NEMP2: variants seen among roughly 807,000 people sequenced by gnomAD.
NEMP2 encodes nuclear envelope integral membrane protein 2.
Under a neutral mutation model 54.2 loss-of-function variants are expected in NEMP2, and 53 were observed. The observed-to-expected ratio is 0.98, with a 90% CI of 0.78 to 1.23. The LOEUF (loss-of-function observed/expected upper bound fraction) is 1.23. Ranked by LOEUF, NEMP2 falls within the 50% of genes most tolerant of loss-of-function variation. The probability of loss-of-function intolerance (pLI) is 0.00; values close to 1 mark genes in which losing one functional copy is unlikely to be tolerated. For missense variants in NEMP2, 455 were observed against 511.3 expected (o/e 0.89, Z 1.06); for synonymous variants, 197 against 190.3 (o/e 1.04, Z -0.29).
At chr2:190,588,989 G>T in the NEMP2 span, among the ~76,000 whole-genome samples, 1 of 152,172 alleles carries the variant, frequency 6.6e-6, no homozygotes. The surrounding 1 kb of genome is among the most constrained non-coding windows in gnomAD (Gnocchi z 5.0). Flanking sequence ...CCTCACTAGA[G>T]AATTCTATTT....
At chr2:190,570,985 G>T in the NEMP2 span, among the ~76,000 whole-genome samples, 104 of 152,308 alleles carry the variant, frequency 6.8e-4, no homozygotes, top group Middle Eastern at 3.4e-3. The surrounding 1 kb of genome is among the most constrained non-coding windows in gnomAD (Gnocchi z 5.4). Context: ...ACATATTTTT[G>T]TTGGATTTAT....
the NEMP2 span, among the ~76,000 whole-genome samples, chr2:190,566,578 ACT>A: frequency 1.7e-4 from 26 of 150,464 alleles, no homozygotes; most frequent in Non-Finnish European, 3.3e-4. Flanking sequence ...CAGGAGTAAG[ACT>A]CTGTCTTAAA....
At position 190,521,465 on chromosome 2, in the gene NEMP2, C is replaced by A. The variant is rs1439294762; in HGVS notation, c.214-2282G>T. 2.6e-5 allele frequency among the ~76,000 whole-genome samples: 4 copies of A among 152,202 alleles called. No homozygotes were observed. The highest frequency in any genetic ancestry group is 9.7e-5 in the African/African-American group (4 of 41,450). On this transcript the variant is annotated intron_variant, in intron 2 of 8. Transcript: ENST00000409150. This position sits in a 1 kb window ranked among gnomAD's most constrained non-coding sequence, Gnocchi z 6.2. ...ACTCAAGGACATCCCAGCAGCAGTT[C>A]TTCCCTCTCTACGAGATTATTTCTC... is the stretch of plus-strand genomic sequence containing the variant.
chr2:190,540,286 GAT>G, the NEMP2 span, among the ~76,000 whole-genome samples: 1 of 63,322 alleles, frequency 1.6e-5, no homozygotes, highest in Non-Finnish European at 3.4e-5. Context: ...CATAGTGAAT[GAT>G]TTTTTTTTTT....
At chr2:190,540,395 C>T in the NEMP2 span, among the ~76,000 whole-genome samples, 3 of 151,956 alleles carry the variant, frequency 2.0e-5, no homozygotes, top group Non-Finnish European at 2.9e-5. Context: ...ATGATCCTCC[C>T]GCCTCAGCCT....
At chr2:190,534,500 G>A in intron 1 of NEMP2, 59 bp downstream of exon 1, 1 of 1,333,394 alleles carries the variant, frequency 7.5e-7, no homozygotes. Context: ...CCTCAGGGCA[G>A]CCGCGAAGCC....
chr2:190,611,762 T>C, the NEMP2 span, among the ~76,000 whole-genome samples: 2 of 152,246 alleles, frequency 1.3e-5, no homozygotes, highest in East Asian at 3.8e-4. The surrounding 1 kb of genome is among the most constrained non-coding windows in gnomAD (Gnocchi z 5.4). Flanking sequence ...CTTACACACC[T>C]TGCATGTAAA....
At chr2:190,451,559 G>GCA in the NEMP2 span, among the ~76,000 whole-genome samples, 1 of 152,218 alleles carries the variant, frequency 6.6e-6, no homozygotes, top group South Asian at 2.1e-4. The surrounding 1 kb of genome is among the most constrained non-coding windows in gnomAD (Gnocchi z 5.0). Context: ...TGATAATGAT[G>GCA]GGTGATTTAG....
chr2:190,563,427 G>A, the NEMP2 span, among the ~76,000 whole-genome samples: 124 of 152,250 alleles, frequency 8.1e-4, 1 homozygote, highest in East Asian at 0.017. This position sits in a 1 kb window ranked among gnomAD's most constrained non-coding sequence, Gnocchi z 4.3. Context: ...CGGTAGTGGC[G>A]GGGTGAGGGA....
the NEMP2 span, among the ~76,000 whole-genome samples, chr2:190,478,128 T>C: frequency 6.6e-6 from 1 of 152,188 alleles, no homozygotes; most frequent in Non-Finnish European, 1.5e-5. Flanking sequence ...GAGCTGGCCA[T>C]GTTCTGAATC....
At chr2:190,568,973 G>GA in the NEMP2 span, among the ~76,000 whole-genome samples, 21 of 150,874 alleles carry the variant, frequency 1.4e-4, no homozygotes, top group South Asian at 6.3e-4. The surrounding 1 kb of genome is among the most constrained non-coding windows in gnomAD (Gnocchi z 4.7). Context: ...ATCTGGAACT[G>GA]AAAAAAAAAT....
chr2:190,562,678 C>G, the NEMP2 span, among the ~76,000 whole-genome samples: 1 of 152,072 alleles, frequency 6.6e-6, no homozygotes, highest in African/African-American at 2.4e-5. The surrounding 1 kb of genome is among the most constrained non-coding windows in gnomAD (Gnocchi z 5.0). Context: ...TTTGCCCTAA[C>G]TTTATATAAA....
At chr2:190,611,408 G>A in the NEMP2 span, among the ~76,000 whole-genome samples, 1 of 152,094 alleles carries the variant, frequency 6.6e-6, no homozygotes, top group East Asian at 1.9e-4. The surrounding 1 kb of genome is among the most constrained non-coding windows in gnomAD (Gnocchi z 5.4). Context: ...AATCCTTATA[G>A]ACAGATTTAC....
At chr2:190,429,707 T>C in the NEMP2 span, among the ~76,000 whole-genome samples, 8 of 152,210 alleles carry the variant, frequency 5.3e-5, no homozygotes, top group Admixed American at 5.2e-4. Context: ...TTCCTATCTA[T>C]AAATCTTTAA....
At chr2:190,580,020 T>C in the NEMP2 span, among the ~76,000 whole-genome samples, 1 of 152,208 alleles carries the variant, frequency 6.6e-6, no homozygotes, top group Non-Finnish European at 1.5e-5. This position sits in a 1 kb window ranked among gnomAD's most constrained non-coding sequence, Gnocchi z 5.3. Context: ...TGTTGAGTCT[T>C]AGTGTTCTCA....
downstream of NEMP2, chr2:190,499,823 C>G (rs1278282557): frequency 6.5e-7 from 1 of 1,538,520 alleles, no homozygotes; most frequent in East Asian, 2.5e-5. The surrounding 1 kb of genome is among the most constrained non-coding windows in gnomAD (Gnocchi z 6.0). Flanking sequence ...TTTCATGCGG[C>G]TCTGGCAGTT....
chr2:190,583,747 T>C, the NEMP2 span, among the ~76,000 whole-genome samples: 1 of 152,210 alleles, frequency 6.6e-6, no homozygotes, highest in Non-Finnish European at 1.5e-5. Flanking sequence ...TGTATTGATG[T>C]TGGACTGTTG....
At chr2:190,422,554 T>C in the NEMP2 span, among the ~76,000 whole-genome samples, 3 of 152,216 alleles carry the variant, frequency 2.0e-5, no homozygotes, top group Non-Finnish European at 4.4e-5. Context: ...ATTGTGATGA[T>C]GTTGTTGAGA....
intron 5 of NEMP2, among the ~76,000 whole-genome samples, chr2:190,516,764 T>A (rs944168162): frequency 9.2e-5 from 14 of 152,160 alleles, no homozygotes; most frequent in African/African-American, 3.1e-4. Context: ...CAACATGAAT[T>A]ATTTATCCTC....
Sources: allele counts gnomAD v4.1 joint callset (sites outside exome capture counted in the v4.1 genomes callset), GRCh38; gene constraint gnomAD v4.1.1; non-coding constraint Gnocchi (gnomAD v3.1); transcripts MANE v1.5; gene names NCBI Gene and HGNC (gene_info 2026-07-23, HGNC 2026-07-21).